PRKN: variants seen among roughly 807,000 people sequenced by gnomAD.
The protein encoded by PRKN is E3 ubiquitin-protein ligase parkin.
Under a neutral mutation model 59.5 loss-of-function variants are expected in PRKN, and 56 were observed. That is an observed-to-expected ratio of 0.94 (90% CI 0.76 to 1.18). PRKN has a LOEUF of 1.18. Ranked by LOEUF, PRKN falls within the 50% of genes most tolerant of loss-of-function variation. The pLI is 0.00. For synonymous variants in PRKN, 250 were observed against 222.1 expected (o/e 1.13, Z -1.12); for missense variants, 657 against 596.4 (o/e 1.10, Z -1.06).
chr6:161,817,486 T>C (rs3019438), intron 6 of PRKN, among the ~76,000 whole-genome samples: 18,327 of 152,208 alleles, frequency 0.12, 1,452 homozygotes, highest in African/African-American at 0.21. Context: ...ATTTCCCAGA[T>C]TTCCTGTTAA....
chr6:161,717,841 G>A (rs556635038), intron 7 of PRKN, among the ~76,000 whole-genome samples: 5 of 152,228 alleles, frequency 3.3e-5, no homozygotes, highest in African/African-American at 7.2e-5. Flanking sequence ...GCCCAGGCCC[G>A]CTTCCATCCC....
intron 7 of PRKN, among the ~76,000 whole-genome samples, chr6:161,614,290 C>T (rs115047734): frequency 0.02 from 3,024 of 152,266 alleles, 102 homozygotes; most frequent in African/African-American, 0.069. Flanking sequence ...ACCCTCTTTA[C>T]AATTCTGCCT....
chr6:161,930,027 G>GCAAT (rs1276897186), intron 6 of PRKN, among the ~76,000 whole-genome samples: 1 of 152,136 alleles, frequency 6.6e-6, no homozygotes, highest in Non-Finnish European at 1.5e-5. Context: ...TTACCTGTTG[G>GCAAT]CAATGCCACT....
At chr6:162,026,743 G>A (rs1457161001) in intron 5 of PRKN, among the ~76,000 whole-genome samples, 3 of 152,176 alleles carry the variant, frequency 2.0e-5, no homozygotes, top group Middle Eastern at 3.4e-3. Flanking sequence ...GCTGTTGTAC[G>A]TTCTCCAACT....
At chr6:162,503,505 T>C (rs1256596397) in intron 1 of PRKN, among the ~76,000 whole-genome samples, 1 of 152,144 alleles carries the variant, frequency 6.6e-6, no homozygotes, top group East Asian at 1.9e-4. Flanking sequence ...TTTGAATGAC[T>C]TGACTACATA....
Position 162,257,788 on chromosome 6 carries a change from G to A in PRKN, c.412+4737C>T, listed in dbSNP as rs74332579. Among the ~76,000 whole-genome samples, 832 of 152,170 alleles carry A rather than the reference G, an allele frequency of 5.5e-3. 5 individuals are homozygous for A. Among genetic ancestry groups the A allele is most frequent in the Non-Finnish European group, 6.8e-3 (465 of 68,014 alleles). On this transcript the variant is annotated intron_variant, in intron 3 of 11. Coordinates refer to ENST00000366898, the MANE Select transcript of PRKN (RefSeq NM_004562.3). ...CAGTTCTAGGATTTGAAAACCTTCC[G>A]GGTTGTGTTGCCTCCACCCTTTCCT...
At chr6:161,973,464 A>AT (rs1254949205) in intron 5 of PRKN, 47 bp from the exon 6 acceptor site, 1 of 1,032,042 alleles carries the variant, frequency 9.7e-7, no homozygotes, top group Non-Finnish European at 1.5e-6. Flanking sequence ...CCGGCTGCTC[A>AT]TTTTTCCTCT....
chr6:162,695,154 C>T (rs1328016066), intron 1 of PRKN: 1 of 152,144 alleles, frequency 6.6e-6, no homozygotes, highest in African/African-American at 2.4e-5. Context: ...TACTTCATGT[C>T]ATTTCCTGAA....
intron 2 of PRKN, among the ~76,000 whole-genome samples, chr6:162,284,213 TTC>T (rs1781064821): frequency 7.6e-6 from 1 of 132,110 alleles, no homozygotes; most frequent in Non-Finnish European, 1.6e-5. Flanking sequence ...TGTTATTTCT[TTC>T]TTTTTTTTTT....
At chr6:162,197,395 C>T (rs1383208451) in intron 4 of PRKN, among the ~76,000 whole-genome samples, 1 of 152,048 alleles carries the variant, frequency 6.6e-6, no homozygotes, top group African/African-American at 2.4e-5. Flanking sequence ...GATCTAGTTA[C>T]TGTACTAAAA....
intron 4 of PRKN, among the ~76,000 whole-genome samples, chr6:162,162,171 C>G (rs1222519652): frequency 2.6e-5 from 4 of 152,162 alleles, no homozygotes; most frequent in Non-Finnish European, 5.9e-5. Context: ...CAACCTCCAC[C>G]TCCCAGGTTC....
intron 6 of PRKN, among the ~76,000 whole-genome samples, chr6:161,858,580 C>G (rs866335776): frequency 6.6e-6 from 1 of 152,100 alleles, no homozygotes; most frequent in Admixed American, 6.5e-5. Flanking sequence ...TACCCACCCC[C>G]ACCTTCACCT....
At chr6:161,781,383 CCATT>C (rs1384462765) in intron 7 of PRKN, among the ~76,000 whole-genome samples, 4 of 152,186 alleles carry the variant, frequency 2.6e-5, no homozygotes, top group African/African-American at 9.7e-5. Flanking sequence ...ATCTTTCCAT[CCATT>C]CATCCCTGCC....
At chr6:161,583,564 A>G (rs544773544) in intron 7 of PRKN, among the ~76,000 whole-genome samples, 2 of 152,226 alleles carry the variant, frequency 1.3e-5, no homozygotes, top group African/African-American at 4.8e-5. Context: ...CATTGCCATT[A>G]TAAAATATTA....
At chr6:162,606,544 G>A (rs1355589536) in intron 1 of PRKN, among the ~76,000 whole-genome samples, 1 of 152,152 alleles carries the variant, frequency 6.6e-6, no homozygotes, top group South Asian at 2.1e-4. Flanking sequence ...AAAAGCCAGG[G>A]ACTGTCTGTA....
At chr6:162,449,944 T>C (rs1045306107) in intron 1 of PRKN, among the ~76,000 whole-genome samples, 1 of 152,172 alleles carries the variant, frequency 6.6e-6, no homozygotes, top group Non-Finnish European at 1.5e-5. Flanking sequence ...GAGTGCCCAT[T>C]CTCACAGCTT....
rs371421097 is a variant in PRKN, at chr6:162,209,361, C to T, written c.413-8109G>A. Among the ~76,000 whole-genome samples, 17 of 152,246 alleles carry T rather than the reference C, an allele frequency of 1.1e-4. No individual in the cohort carries two copies. The South Asian group carries it at 3.3e-3, about 30-fold the overall frequency. ...AACAGACACATGAAAAAATGCTCAT[C>T]GTCACTGGTCATCAGAGAAATGTAA... On this transcript the variant is annotated intron_variant, in intron 3 of 11. Transcript: ENST00000366898.
At chr6:162,122,075 C>T (rs1215478221) in intron 4 of PRKN, among the ~76,000 whole-genome samples, 1 of 152,182 alleles carries the variant, frequency 6.6e-6, no homozygotes, top group Non-Finnish European at 1.5e-5. Flanking sequence ...AAGATATCTG[C>T]ACTCCATAGA....
intron 1 of PRKN, among the ~76,000 whole-genome samples, chr6:162,499,517 A>G (rs1391950348): frequency 6.6e-6 from 1 of 152,186 alleles, no homozygotes; most frequent in African/African-American, 2.4e-5. Flanking sequence ...ACCAATACAT[A>G]TTTACTGACG....
Sources: allele counts gnomAD v4.1 joint callset (sites outside exome capture counted in the v4.1 genomes callset), GRCh38; gene constraint gnomAD v4.1.1; transcripts MANE v1.5; gene names NCBI Gene and HGNC (gene_info 2026-07-23, HGNC 2026-07-21).